Variants in APBB1 observed in about 807,000 individuals in gnomAD.
APBB1 encodes adaptor protein FE65a2.
Under a neutral mutation model 78.4 loss-of-function variants are expected in APBB1, and 22 were observed. That is an observed-to-expected ratio of 0.28 (90% CI 0.20 to 0.40). APBB1 has a LOEUF of 0.40. APBB1 is among the 10% of genes least tolerant of loss of function. The pLI is 1.00. For synonymous variants in APBB1, 369 were observed against 372.7 expected, an observed-to-expected ratio of 0.99 and a Z score of 0.12; for missense variants, 749 against 932.4, an observed-to-expected ratio of 0.80 and a Z score of 2.56.
At chr11:6,397,169 A>G (rs1848275572) in intron 12 of APBB1, among the ~76,000 whole-genome samples, 1 of 152,260 alleles carries the variant, frequency 6.6e-6, no homozygotes, top group Non-Finnish European at 1.5e-5. Context: ...GCACAATGCC[A>G]GTGCAAAAGG....
chr11:6,396,128 G>T lies in APBB1; in HGVS notation c.1760C>A (p.Pro587His). 6.4e-7 allele frequency: 1 copy of T among 1,557,268 alleles called. No homozygotes were observed. Among genetic ancestry groups the T allele is most frequent in the Non-Finnish European group, 8.7e-7 (1 of 1,150,326 alleles). Reference sequence around the variant, plus strand: ...CTGGTGCAAGATGGTGAGGGTAGCAGGGGCCACACTGACATGACTTGGGGT... The same window carrying T: ...CTGGTGCAAGATGGTGAGGGTAGCATGGGCCACACTGACATGACTTGGGGT... The part of the protein sequence containing the change: ...QWTPSHVSVA[P>H]ATLTILHQQT... Residue 587 changes from proline (P) to histidine (H), a missense_variant, in exon 13 of 15, where the codon CCT (proline) becomes CAT (histidine). Pro to His is a moderately conservative substitution (Grantham distance 77, BLOSUM62 -2). Coordinates refer to ENST00000609360, the MANE Select transcript of APBB1 (RefSeq NM_001164.5).
rs965595341 is a variant in APBB1 at position 6,401,203 on chromosome 11, C to T, written c.1589-131G>A. The T allele has an allele frequency of 1.4e-5, 23 of 1,610,772 alleles. No individual in the cohort carries two copies. Among genetic ancestry groups the T allele is most frequent in the African/African-American group, 5.3e-5 (4 of 74,824 alleles). On this transcript the variant is annotated intron_variant, in intron 11 of 14. Transcript: ENST00000609360. The surrounding 1 kb of genome is among the most constrained non-coding windows in gnomAD (Gnocchi z 4.5). Reference sequence around the variant, plus strand: ...ATCTCGTCCCCTGCCTCCCTTTAACCGGAGTCCCTCCACGTATTGGAGTAT... The same window carrying T: ...ATCTCGTCCCCTGCCTCCCTTTAACTGGAGTCCCTCCACGTATTGGAGTAT...
rs373476653 is a variant in APBB1 at position 6,413,003 on chromosome 11, A to G, written c.-14-1642T>C. ...CAACTATCCTTCCAGCCCGCCACCC[A>G]GGGACCCACCCTCGGCCCCATTCCA... On this transcript the variant is annotated intron_variant, in intron 1 of 14. Transcript: ENST00000609360. 1.1e-4 allele frequency among the ~76,000 whole-genome samples: 16 copies of G among 151,740 alleles called. No homozygotes were observed. In the South Asian group the frequency reaches 3.1e-3, roughly 30 times the overall value.
chr11:6,404,352 C>T (rs548158211), intron 2 of APBB1, among the ~76,000 whole-genome samples: 1 of 152,306 alleles, frequency 6.6e-6, no homozygotes, highest in East Asian at 1.9e-4. Context: ...AAACTTTAGC[C>T]ATACACTTAT....
chr11:6,410,495 C>T (rs1848929873), intron 2 of APBB1, 132 bp downstream of exon 2: 1 of 702,088 alleles, frequency 1.4e-6, no homozygotes, highest in Middle Eastern at 4.1e-4. Context: ...ATGAAAAAGC[C>T]TGGACATGGC....
In APBB1 at chr11:6,401,757, C is replaced by A; in HGVS notation, c.1389-69G>T. 1 of 1,559,162 alleles carries A rather than the reference C, an allele frequency of 6.4e-7. No individual in the cohort carries two copies. On this transcript the variant is annotated intron_variant, in intron 9 of 14. Coordinates refer to ENST00000609360, the MANE Select transcript of APBB1 (RefSeq NM_001164.5). This position sits in a 1 kb window ranked among gnomAD's most constrained non-coding sequence, Gnocchi z 4.5. ...TGCTGAGCCTGGTCCCCACCCCACC[C>A]ACGTCCTCCCTGCCCATCACAGCTC...
intron 2 of APBB1, among the ~76,000 whole-genome samples, chr11:6,407,212 G>T (rs1012699043): frequency 6.6e-6 from 1 of 152,178 alleles, no homozygotes; most frequent in African/African-American, 2.4e-5. Flanking sequence ...TTCCTGGGCT[G>T]GCCCCCACCT....
chr11:6,406,187 C>T (rs1257187997), intron 2 of APBB1, among the ~76,000 whole-genome samples: 1 of 152,206 alleles, frequency 6.6e-6, no homozygotes, highest in African/African-American at 2.4e-5. Flanking sequence ...CCAGAACGCA[C>T]ACCTTCACTC....
intron 2 of APBB1, among the ~76,000 whole-genome samples, chr11:6,409,479 G>A (rs909264403): frequency 6.6e-6 from 1 of 152,168 alleles, no homozygotes; most frequent in Non-Finnish European, 1.5e-5. Context: ...TTGATAATTG[G>A]TAAAACTGGC....
In APBB1 at chr11:6,401,972, AG is replaced by A. The variant is rs781269160; in HGVS notation, c.1388+4del. On this transcript the variant is annotated splice_donor_region_variant and intron_variant, in intron 9 of 14. Transcript: ENST00000609360. The surrounding 1 kb of genome is among the most constrained non-coding windows in gnomAD (Gnocchi z 4.5). Reference sequence around the variant, plus strand: ...GGTGTAGGAGGGGGAAAATAGGCATAGTACCTCTCTCTGGGTCCAGCAGCAC... The same window carrying A: ...GGTGTAGGAGGGGGAAAATAGGCATATACCTCTCTCTGGGTCCAGCAGCAC... 3 of 1,563,524 alleles carry A rather than the reference AG, an allele frequency of 1.9e-6. No individual in the cohort carries two copies. The African/African-American group carries it at 4.0e-5, about 21-fold the overall frequency.
chr11:6,399,599 GCCT>G (rs899028473), intron 12 of APBB1, among the ~76,000 whole-genome samples: 1 of 152,132 alleles, frequency 6.6e-6, no homozygotes, highest in Non-Finnish European at 1.5e-5. Context: ...TACAGCAAGA[GCCT>G]CCTAACTGAG....
chr11:6,419,086 G>T lies in APBB1; in HGVS notation c.-116C>A. ...ATCACAACATCCCCCGCCCAGGAGC[G>T]CGCGGGCCGCGGGGCCGCGCCCCGA... On this transcript the variant is annotated 5_prime_UTR_variant, in exon 1 of 15. Transcript: ENST00000609360. The T allele has an allele frequency of 2.6e-6, 1 of 385,692 alleles. No homozygotes were observed. The highest frequency in any genetic ancestry group is 4.6e-6 in the Non-Finnish European group (1 of 217,632). The allele number at this position is 385,692 out of a possible 1,614,324, so 23.9% of individuals were successfully genotyped here. A position where few individuals can be genotyped will look rare whatever the true frequency, so the allele number is the denominator to read the frequency against.
In APBB1 at chr11:6,403,123, T is replaced by C. The variant is rs190255591; in HGVS notation, c.1104+22A>G. On this transcript the variant is annotated intron_variant, in intron 6 of 14. Transcript: ENST00000609360. The surrounding 1 kb of genome is among the most constrained non-coding windows in gnomAD (Gnocchi z 5.3). ...AAATAAGAGGGCCCCAGACTCAGAA[T>C]GGGTGTCAGTCTTGAACAAACCTTG... 5.0e-6 allele frequency: 8 copies of C among 1,595,086 alleles called. No individual in the cohort carries two copies. In the African/African-American group the frequency reaches 8.1e-5, roughly 16 times the overall value.
At position 6,396,146 on chromosome 11, in the gene APBB1, C is replaced by A. The variant is rs757637279; in HGVS notation, c.1742G>T (p.Ser581Ile). The A allele has an allele frequency of 4.5e-6, 7 of 1,553,956 alleles. No homozygotes were observed. The East Asian group carries it at 1.2e-4, about 27-fold the overall frequency. Residue 581 changes from serine (S) to isoleucine (I), a missense_variant, in exon 13 of 15, where the codon AGT becomes ATT. By Grantham distance (142) the Ser-to-Ile change is moderately radical. Coordinates refer to ENST00000609360, the MANE Select transcript of APBB1 (RefSeq NM_001164.5). ...GGTAGCAGGGGCCACACTGACATGA[C>A]TTGGGGTCCATTGTTCACGGCTGCT... ...SSSSREQWTP[S>I]HVSVAPATLT...
At chr11:6,413,720 C>A (rs889778015) in intron 1 of APBB1, among the ~76,000 whole-genome samples, 1 of 152,170 alleles carries the variant, frequency 6.6e-6, no homozygotes, top group African/African-American at 2.4e-5. Context: ...ATCCACCCGC[C>A]TCAGCCTCCC....
rs528578071 is a variant in APBB1 at position 6,401,035 on chromosome 11, C to T, written c.1626G>A (p.Lys542=). 4.3e-6 allele frequency: 7 copies of T among 1,614,058 alleles called. No individual in the cohort carries two copies. Among genetic ancestry groups the T allele is most frequent in the South Asian group, 3.3e-5 (3 of 91,088 alleles). ...FPAPKNELVQ[K]FQVYYLGNVP... Reference sequence around the variant, plus strand: ...CATTCCCCAGGTAATAGACTTGGAACTTCTGGACCAACTCATTCTTAGGCG... The same window carrying T: ...CATTCCCCAGGTAATAGACTTGGAATTTCTGGACCAACTCATTCTTAGGCG... Residue 542 remains lysine, a synonymous_variant, in exon 12 of 15, where the codon AAG becomes AAA. Transcript: ENST00000609360. The surrounding 1 kb of genome is among the most constrained non-coding windows in gnomAD (Gnocchi z 4.5).
chr11:6,418,685 C>A (rs1336647721), intron 1 of APBB1, among the ~76,000 whole-genome samples: 6 of 146,532 alleles, frequency 4.1e-5, no homozygotes, highest in African/African-American at 9.9e-5. Context: ...CGGACCTGGG[C>A]CTCCCCTCCC....
Position 6,403,208 on chromosome 11 carries a change from G to A in APBB1, c.1041C>T (p.Ser347=), listed in dbSNP as rs1349680415. The change falls in exon 6 of 15, where the codon AGC becomes AGT. Residue 347 remains serine, a splice_region_variant and synonymous_variant. Transcript: ENST00000609360. The surrounding 1 kb of genome is among the most constrained non-coding windows in gnomAD (Gnocchi z 5.3). ...GTLTFPAQSL[S]PEPLPQEEEK... ...CCTCCTCTTGGGGCAACGGCTCTGG[G>A]CTGAAGGCAGATGGTAATACTTGGC... 2 of 1,613,180 alleles carry A rather than the reference G, an allele frequency of 1.2e-6. No individual in the cohort carries two copies. Among genetic ancestry groups the A allele is most frequent in the South Asian group, 1.1e-5 (1 of 90,926 alleles).
intron 12 of APBB1, among the ~76,000 whole-genome samples, chr11:6,398,255 A>G (rs1010946261): frequency 1.3e-5 from 2 of 151,858 alleles, no homozygotes; most frequent in Non-Finnish European, 2.9e-5. Flanking sequence ...GCCTTCTAAC[A>G]TACTCCATGG....
Sources: gnomAD v4.1 joint callset for allele counts (sites outside exome capture counted in the v4.1 genomes callset) on GRCh38, gnomAD v4.1.1 for gene constraint, Gnocchi (gnomAD v3.1) non-coding constraint, MANE v1.5 for transcripts, NCBI Gene and HGNC (gene_info 2026-07-23, HGNC 2026-07-21) for gene names.